ANKRD36: variants seen among roughly 807,000 people sequenced by gnomAD.
The protein encoded by ANKRD36 is ankyrin repeat domain 36.
ANKRD36 carries 179 observed loss-of-function variants against 278.1 expected under a neutral mutation model. The observed-to-expected ratio is 0.64, with a 90% CI of 0.57 to 0.73. The LOEUF (loss-of-function observed/expected upper bound fraction) is 0.73. Among genes scored for constraint, ANKRD36 ranks in the 30% least tolerant of loss-of-function variants. The pLI is 0.00. For missense variants in ANKRD36, 1,159 were observed against 1,956.7 expected, an observed-to-expected ratio of 0.59 and a Z score of 7.69; for synonymous variants, 320 against 641.1, an observed-to-expected ratio of 0.50 and a Z score of 7.57.
rs1473696279 is a variant in ANKRD36, at chr2:97,124,565, A to G, written c.699A>G (p.Ala233=). 1 of 1,553,174 alleles carries G rather than the reference A, an allele frequency of 6.4e-7. No individual in the cohort carries two copies. The highest frequency in any genetic ancestry group is 1.4e-5 in the African/African-American group (1 of 73,378). The change falls in exon 5 of 76, where the codon GCA becomes GCG. Residue 233 remains alanine, a synonymous_variant. Transcript: ENST00000420699. ...VLSRDAFRKI[A]GDYAIEAKNR... ...CTCGAGATGCGTTTCGAAAGATTGC[A>G]GGAGATTATGCCATTGAGGCTAAGA...
chr2:97,160,475 A>T (rs1254489203), intron 17 of ANKRD36, among the ~76,000 whole-genome samples: 1 of 152,142 alleles, frequency 6.6e-6, no homozygotes, highest in Non-Finnish European at 1.5e-5. Context: ...ATTCAGCTCT[A>T]AAGCTCAGGA....
intron 42 of ANKRD36, among the ~76,000 whole-genome samples, chr2:97,197,940 T>C (rs1368287354): frequency 2.6e-5 from 4 of 151,874 alleles, no homozygotes; most frequent in Non-Finnish European, 5.9e-5. Flanking sequence ...TCCAAGGTGA[T>C]CAATTTAGGA....
At chr2:97,212,592 T>C (rs1186853782) in intron 58 of ANKRD36, 4 of 152,560 alleles carry the variant, frequency 2.6e-5, no homozygotes, top group African/African-American at 9.7e-5. Context: ...ACAAAAAATA[T>C]GTTGAATTCT....
chr2:97,209,982 AG>A, intron 56 of ANKRD36, 110 bp downstream of exon 56: 2 of 1,428,120 alleles, frequency 1.4e-6, no homozygotes, highest in East Asian at 5.2e-5. Context: ...CTGATTCAGC[AG>A]TCCTGAGATT....
intron 6 of ANKRD36, 26 bp from the exon 7 acceptor site, chr2:97,142,614 G>C: frequency 1.9e-6 from 3 of 1,606,880 alleles, no homozygotes; most frequent in Non-Finnish European, 2.5e-6. Context: ...ACATATGATT[G>C]ATTATGTATC....
chr2:97,191,968 T>A (rs148037833), intron 36 of ANKRD36, among the ~76,000 whole-genome samples: 1 of 151,486 alleles, frequency 6.6e-6, no homozygotes, highest in Admixed American at 6.6e-5. Context: ...AGCTATTTAA[T>A]GAAACTTCTT....
intron 11 of ANKRD36, among the ~76,000 whole-genome samples, chr2:97,148,107 G>A (rs1223059002): frequency 6.6e-6 from 1 of 151,930 alleles, no homozygotes; most frequent in Non-Finnish European, 1.5e-5. Context: ...CCAGGGAGCT[G>A]GAGATTGCTT....
Position 97,206,554 on chromosome 2 carries a change from G to T in ANKRD36, c.3163+419G>T, listed in dbSNP as rs1466413877. Reference sequence around the variant, plus strand: ...GTACACTCTGTAGGAGAACTAAGGAGACCCCTGGTGTAGCAATCACTTTCC... The same window carrying T: ...GTACACTCTGTAGGAGAACTAAGGATACCCCTGGTGTAGCAATCACTTTCC... On this transcript the variant is annotated intron_variant, in intron 52 of 75. Coordinates refer to ENST00000420699, the MANE Select transcript of ANKRD36 (RefSeq NM_001354587.1). 1.3e-5 allele frequency among the ~76,000 whole-genome samples: 2 copies of T among 151,420 alleles called. 1 individual carries two copies. The highest frequency in any genetic ancestry group is 3.0e-5 in the Non-Finnish European group (2 of 67,664).
rs10171441 is a variant in ANKRD36 at position 97,211,555 on chromosome 2, C to G, written c.3377C>G (p.Pro1126Arg). 1 of 1,605,946 alleles carries G rather than the reference C, an allele frequency of 6.2e-7. No homozygotes were observed. The highest frequency in any genetic ancestry group is 1.7e-5 in the Admixed American group (1 of 59,532). ...CCCTTTTGCTTTTCAGTGTCTTCTC[C>G]GAAACAACCAGCATTGAAGGTAATT... ...DGEKSRTVSS[P>R]KQPALKAICD... Residue 1126 changes from proline (P) to arginine (R), a missense_variant, in exon 57 of 76, where the codon CCG becomes CGG. Coordinates refer to ENST00000420699, the MANE Select transcript of ANKRD36 (RefSeq NM_001354587.1).
intron 6 of ANKRD36, among the ~76,000 whole-genome samples, chr2:97,131,002 A>G (rs959145380): frequency 4.6e-5 from 7 of 152,082 alleles, no homozygotes; most frequent in South Asian, 2.1e-4. Flanking sequence ...TTCAAACTTT[A>G]TATGTCTTTT....
chr2:97,131,089 T>A (rs957380882), intron 6 of ANKRD36, among the ~76,000 whole-genome samples: 7 of 152,096 alleles, frequency 4.6e-5, no homozygotes, highest in Admixed American at 4.6e-4. Flanking sequence ...TGTAAAACAC[T>A]TTTCTGGTAT....
Position 97,202,110 on chromosome 2 carries a change from G to A in ANKRD36, c.2858-92G>A, listed in dbSNP as rs2061539298. ...TGAAGGCCTATGCTAATACAGGCAG[G>A]AGGACAGAGGTTGATTCTAACAGTG... On this transcript the variant is annotated intron_variant, in intron 46 of 75. Coordinates refer to ENST00000420699, the MANE Select transcript of ANKRD36 (RefSeq NM_001354587.1). 2.5e-6 allele frequency: 4 copies of A among 1,585,102 alleles called. No homozygotes were observed. In the South Asian group the frequency reaches 4.6e-5, roughly 18 times the overall value.
intron 17 of ANKRD36, among the ~76,000 whole-genome samples, chr2:97,159,574 A>G (rs2048327355): frequency 6.6e-6 from 1 of 151,764 alleles, no homozygotes; most frequent in African/African-American, 2.4e-5. Flanking sequence ...CAGATTTTGA[A>G]TGAATCATTA....
intron 12 of ANKRD36, among the ~76,000 whole-genome samples, chr2:97,151,473 A>G (rs372926174): frequency 6.6e-6 from 1 of 152,222 alleles, no homozygotes; most frequent in Non-Finnish European, 1.5e-5. Context: ...TCCCACAGAA[A>G]GTAATTCGCA....
At chr2:97,154,968 T>G (rs2047098727) in intron 15 of ANKRD36, among the ~76,000 whole-genome samples, 1 of 144,766 alleles carries the variant, frequency 6.9e-6, no homozygotes. Context: ...AGGTGTGATC[T>G]GAAAAAAAAA....
chr2:97,260,452 T>C (rs1470403090), intron 75 of ANKRD36, among the ~76,000 whole-genome samples: 5 of 137,496 alleles, frequency 3.6e-5, no homozygotes, highest in African/African-American at 1.1e-4. Context: ...ACACGTTTTC[T>C]GGACAATAGG....
At chr2:97,212,753 C>G (rs1387627304) in intron 58 of ANKRD36, 1 of 165,206 alleles carries the variant, frequency 6.1e-6, no homozygotes, top group African/African-American at 2.4e-5. Context: ...AATATATTAT[C>G]CTTTGGTGCC....
At chr2:97,184,116 G>A (rs967316454) in intron 28 of ANKRD36, among the ~76,000 whole-genome samples, 5 of 151,596 alleles carry the variant, frequency 3.3e-5, no homozygotes, top group Non-Finnish European at 7.4e-5. Flanking sequence ...CAAGAAAGAG[G>A]GATTGCAAGG....
At chr2:97,201,013 G>A (rs1353121583) in intron 46 of ANKRD36, among the ~76,000 whole-genome samples, 32 of 151,850 alleles carry the variant, frequency 2.1e-4, no homozygotes, top group African/African-American at 6.0e-4. Context: ...AAAAGAGGAA[G>A]TCATTTATAT....
Sources: gnomAD v4.1 joint callset for allele counts (sites outside exome capture counted in the v4.1 genomes callset) on GRCh38, gnomAD v4.1.1 for gene constraint, MANE v1.5 for transcripts, NCBI Gene and HGNC (gene_info 2026-07-23, HGNC 2026-07-21) for gene names.